CLYBL: variants seen among roughly 807,000 people sequenced by gnomAD.
CLYBL encodes citramalyl-CoA lyase, also known as citramalyl-CoA lyase, mitochondrial.
In CLYBL, 31 loss-of-function variants were observed where a neutral mutation model predicts 38.9. That is an observed-to-expected ratio of 0.80 (90% CI 0.60 to 1.08). CLYBL has a LOEUF of 1.08. Ranked by LOEUF, CLYBL falls within the 50% of genes least tolerant of loss-of-function variation. The pLI, the probability that CLYBL is intolerant of heterozygous loss-of-function variation, is 0.00. For synonymous variants in CLYBL, 171 were observed against 158.6 expected, an observed-to-expected ratio of 1.08 and a Z score of -0.59; for missense variants, 434 against 411.6, an observed-to-expected ratio of 1.05 and a Z score of -0.47.
intron 2 of CLYBL, among the ~76,000 whole-genome samples, chr13:99,841,556 C>T (rs1001414055): frequency 9.2e-5 from 14 of 152,114 alleles, no homozygotes; most frequent in Admixed American, 6.5e-4. Context: ...CGTGCCACCA[C>T]GCCTGGCTAA....
intron 1 of CLYBL, among the ~76,000 whole-genome samples, chr13:99,666,955 G>A (rs1018320577): frequency 2.0e-5 from 3 of 152,118 alleles, no homozygotes; most frequent in African/African-American, 7.2e-5. Flanking sequence ...AGCAGTGGAT[G>A]CCTCTCACCC....
chr13:99,763,822 G>C (rs368589570), intron 1 of CLYBL, among the ~76,000 whole-genome samples: 1 of 152,046 alleles, frequency 6.6e-6, no homozygotes, highest in Admixed American at 6.6e-5. Context: ...CAAAGTGCTG[G>C]GATTACAGGC....
chr13:99,771,331 G>A (rs766404534), intron 1 of CLYBL, among the ~76,000 whole-genome samples: 1 of 152,132 alleles, frequency 6.6e-6, no homozygotes, highest in Non-Finnish European at 1.5e-5. Context: ...AGAGGCGTGG[G>A]CCACCACACA....
At chr13:99,682,925 C>T (rs9517829) in intron 1 of CLYBL, among the ~76,000 whole-genome samples, 48,484 of 151,498 alleles carry the variant, frequency 0.32, 8,103 homozygotes, top group East Asian at 0.56. Context: ...TCAGTAGAGA[C>T]GGGGGTTTCG....
chr13:99,702,273 C>T (rs753296850), intron 1 of CLYBL, among the ~76,000 whole-genome samples: 26 of 152,192 alleles, frequency 1.7e-4, no homozygotes, highest in African/African-American at 4.8e-4. Context: ...TGCGCCACTC[C>T]GCTCAGCCCA....
chr13:99,733,913 A>T (rs1273685793), intron 1 of CLYBL, among the ~76,000 whole-genome samples: 2 of 152,214 alleles, frequency 1.3e-5, no homozygotes, highest in African/African-American at 2.4e-5. Context: ...CTTTCACCAG[A>T]TGTTGTCTCA....
intron 1 of CLYBL, among the ~76,000 whole-genome samples, chr13:99,682,176 C>A (rs1405623618): frequency 6.6e-6 from 1 of 151,636 alleles, no homozygotes; most frequent in Non-Finnish European, 1.5e-5. Context: ...CAGAGTCTCG[C>A]TCTGTCGCCC....
intron 1 of CLYBL, among the ~76,000 whole-genome samples, chr13:99,645,519 C>T (rs1282816940): frequency 7.6e-6 from 1 of 132,406 alleles, no homozygotes; most frequent in Admixed American, 7.5e-5. Context: ...AAAAAAAAGT[C>T]ATTTTAATGG....
In CLYBL at chr13:99,842,206, T is replaced by A. The variant is rs112984435; in HGVS notation, c.250-16655T>A. Among the ~76,000 whole-genome samples, 661 of 152,268 alleles carry A rather than the reference T, an allele frequency of 4.3e-3. 6 individuals carry two copies. The highest frequency in any genetic ancestry group is 0.015 in the African/African-American group (615 of 41,540). ...TGGATGAGGGGGCATGATCTAGCAG[T>A]AATAAACCGAGGGGAATTTGGCAAG... On this transcript the variant is annotated intron_variant, in intron 2 of 8. Transcript: ENST00000339105.
intron 1 of CLYBL, among the ~76,000 whole-genome samples, chr13:99,620,096 T>G (rs2046770538): frequency 6.6e-6 from 1 of 152,186 alleles, no homozygotes; most frequent in Non-Finnish European, 1.5e-5. Flanking sequence ...CCAGGCACTT[T>G]GTTCCAGTGA....
chr13:99,644,303 A>G (rs891838138), intron 1 of CLYBL, among the ~76,000 whole-genome samples: 1 of 152,054 alleles, frequency 6.6e-6, no homozygotes, highest in Non-Finnish European at 1.5e-5. Flanking sequence ...CTCACTATAA[A>G]TACACTTCTT....
intron 2 of CLYBL, among the ~76,000 whole-genome samples, chr13:99,837,914 C>A (rs532096422): frequency 6.6e-6 from 1 of 152,302 alleles, no homozygotes; most frequent in South Asian, 2.1e-4. Flanking sequence ...GCTTCTTAAC[C>A]ATAAATGAGA....
At chr13:99,695,483 C>T (rs1003532159) in intron 1 of CLYBL, among the ~76,000 whole-genome samples, 2 of 151,950 alleles carry the variant, frequency 1.3e-5, no homozygotes, top group African/African-American at 2.4e-5. Flanking sequence ...TTAGCAAGCC[C>T]GTTCAGATTC....
At chr13:99,821,552 C>T (rs1034462995) in intron 2 of CLYBL, among the ~76,000 whole-genome samples, 3 of 152,180 alleles carry the variant, frequency 2.0e-5, no homozygotes, top group East Asian at 3.8e-4. Context: ...TGTTGCAAGG[C>T]ACACCAAGAT....
intron 1 of CLYBL, among the ~76,000 whole-genome samples, chr13:99,620,808 AAGAG>A (rs769913490): frequency 1.4e-4 from 20 of 138,832 alleles, no homozygotes; most frequent in East Asian, 3.9e-4. Flanking sequence ...GAGAGAGAGA[AAGAG>A]AGAGAGAGAG....
At chr13:99,652,004 G>C (rs2047261609) in intron 1 of CLYBL, among the ~76,000 whole-genome samples, 2 of 152,204 alleles carry the variant, frequency 1.3e-5, no homozygotes, top group Non-Finnish European at 2.9e-5. Context: ...GGTTTTCCTG[G>C]AAGGATATGG....
chr13:99,673,693 C>T (rs928206353), intron 1 of CLYBL, among the ~76,000 whole-genome samples: 1 of 152,136 alleles, frequency 6.6e-6, no homozygotes, highest in Non-Finnish European at 1.5e-5. Flanking sequence ...GAGGCCAGAT[C>T]GCTGGAAGGA....
At chr13:99,804,159 G>A (rs1284607773) in intron 2 of CLYBL, among the ~76,000 whole-genome samples, 2 of 152,240 alleles carry the variant, frequency 1.3e-5, no homozygotes, top group East Asian at 3.8e-4. Context: ...CTGAGAATTA[G>A]CAGTGCACAA....
intron 1 of CLYBL, among the ~76,000 whole-genome samples, chr13:99,687,472 A>G (rs1475546673): frequency 6.6e-6 from 1 of 152,208 alleles, no homozygotes. Flanking sequence ...CATCGGACTG[A>G]GGGCTGGATC....
Sources: gnomAD v4.1 joint callset for allele counts (sites outside exome capture counted in the v4.1 genomes callset) on GRCh38, gnomAD v4.1.1 for gene constraint, MANE v1.5 for transcripts, NCBI Gene and HGNC (gene_info 2026-07-23, HGNC 2026-07-21) for gene names.